Variants in C16orf95 observed in about 807,000 individuals in gnomAD.
C16orf95 encodes the protein chromosome 16 open reading frame 95, also known as uncharacterized protein C16orf95.
Under a neutral mutation model 32.1 loss-of-function variants are expected in C16orf95, and 41 were observed. That is an observed-to-expected ratio of 1.28 (90% CI 1.00 to 1.66). The LOEUF is 1.66. C16orf95 is among the 40% of genes most tolerant of loss of function. The pLI is 0.00. For synonymous variants in C16orf95, 147 were observed against 128.9 expected (o/e 1.14, Z -0.95); for missense variants, 399 against 325.9 (o/e 1.22, Z -1.73).
intron 5 of C16orf95, among the ~76,000 whole-genome samples, chr16:87,307,717 CA>C (rs1339193822): frequency 1.3e-5 from 2 of 152,170 alleles, no homozygotes; most frequent in Admixed American, 6.5e-5. Context: ...GAGATCACGT[CA>C]TTGCACTCCA....
rs1911006779 is a variant in C16orf95, at chr16:87,305,943, T to C, written c.515-38A>G. 2.9e-6 allele frequency: 4 copies of C among 1,356,678 alleles called. No homozygotes were observed. Among genetic ancestry groups the C allele is most frequent in the Non-Finnish European group, 3.8e-6 (4 of 1,053,264 alleles). 84.0% of individuals were successfully genotyped at this position (1,356,678 alleles called of 1,614,324 possible). On this transcript the variant is annotated intron_variant, in intron 5 of 6. Coordinates refer to ENST00000567970, the MANE Select transcript of C16orf95 (RefSeq NM_001195124.3). The surrounding 1 kb of genome is among the most constrained non-coding windows in gnomAD (Gnocchi z 4.2). ...AAGGTGGGTTGAGGACAGGGCGTGTTCTCCGGGACTCTGTGAGCCACGAGG... is the reference window on the plus strand; with the variant it reads ...AAGGTGGGTTGAGGACAGGGCGTGTCCTCCGGGACTCTGTGAGCCACGAGG...
intron 3 of C16orf95, among the ~76,000 whole-genome samples, chr16:87,313,254 C>T (rs944244442): frequency 6.7e-6 from 1 of 149,750 alleles, no homozygotes; most frequent in South Asian, 2.1e-4. Flanking sequence ...AAAATGAACA[C>T]TACTTGATTT....
At position 87,305,510 on chromosome 16, in the gene C16orf95, C is replaced by G. The variant is rs1910976968; in HGVS notation, c.701+209G>C. Among the ~76,000 whole-genome samples the G allele has an allele frequency of 6.6e-6, 1 of 152,108 alleles. No homozygotes were observed. Among genetic ancestry groups the G allele is most frequent in the Non-Finnish European group, 1.5e-5 (1 of 67,992 alleles). ...TGCCCCACGAGGCCCCCGCCGCCCC[C>G]AGGCTGCCCTGGCATCTCTAGGTGA... On this transcript the variant is annotated intron_variant, in intron 6 of 6. Coordinates refer to ENST00000567970, the MANE Select transcript of C16orf95 (RefSeq NM_001195124.3). This position sits in a 1 kb window ranked among gnomAD's most constrained non-coding sequence, Gnocchi z 4.2.
At chr16:87,310,487 T>C (rs1395793015) in intron 4 of C16orf95, among the ~76,000 whole-genome samples, 154 bp from the exon 5 acceptor site, 2 of 152,128 alleles carry the variant, frequency 1.3e-5, no homozygotes, top group East Asian at 3.9e-4. Flanking sequence ...CTCTTTTCTC[T>C]GAGGACAGCC....
rs1037708943 is a variant in C16orf95 at position 87,302,999 on chromosome 16, G to C, written c.*58C>G. ...GCCTCCTGATTGGTGGACTCTCAAA[G>C]ATCTTGATCGTGACACATTTTTGTG... On this transcript the variant is annotated 3_prime_UTR_variant, in exon 7 of 7. Transcript: ENST00000567970. 4.6e-6 allele frequency: 7 copies of C among 1,522,506 alleles called. No individual in the cohort carries two copies. Among genetic ancestry groups the C allele is most frequent in the Non-Finnish European group, 6.2e-6 (7 of 1,134,562 alleles). The allele number at this position is 1,522,506 out of a possible 1,614,324, so 94.3% of individuals were successfully genotyped here.
At chr16:87,314,936 C>A (rs1279158036) in intron 3 of C16orf95, 35 bp downstream of exon 3, 4 of 1,530,812 alleles carry the variant, frequency 2.6e-6, no homozygotes, top group African/African-American at 1.4e-5. Flanking sequence ...TCACCCTGGA[C>A]CCTAGGGGAA....
At position 87,305,768 on chromosome 16, in the gene C16orf95, C is replaced by T. The variant is rs1391481780; in HGVS notation, c.652G>A (p.Gly218Ser). The T allele has an allele frequency of 3.3e-6, 5 of 1,518,256 alleles. No homozygotes were observed. The highest frequency in any genetic ancestry group is 2.6e-5 in the East Asian group (1 of 38,192). 94.0% of individuals were successfully genotyped at this position (1,518,256 alleles called of 1,614,324 possible). ...PAPAARLLPL[G>S]LLTLLQAIPR... Reference sequence around the variant, plus strand: ...ATGGCCTGGAGGAGGGTCAGGAGGCCGAGGGGCAGCAGACGCGCTGCAGGA... The same window carrying T: ...ATGGCCTGGAGGAGGGTCAGGAGGCTGAGGGGCAGCAGACGCGCTGCAGGA... Residue 218 changes from glycine (G) to serine (S), a missense_variant, in exon 6 of 7, where the codon GGC becomes AGC. By Grantham distance (56) the Gly-to-Ser change is moderately conservative. Coordinates refer to ENST00000567970, the MANE Select transcript of C16orf95 (RefSeq NM_001195124.3). This position sits in a 1 kb window ranked among gnomAD's most constrained non-coding sequence, Gnocchi z 4.2.
chr16:87,310,208 T>G, intron 5 of C16orf95, 89 bp downstream of exon 5: 14 of 1,302,366 alleles, frequency 1.1e-5, no homozygotes, highest in African/African-American at 2.9e-5. Context: ...TGTCTGGTGA[T>G]GAGAGGTCTG....
At position 87,305,872 on chromosome 16, in the gene C16orf95, C is replaced by G; in HGVS notation, c.548G>C (p.Cys183Ser). 6.9e-7 allele frequency: 1 copy of G among 1,442,998 alleles called. No individual in the cohort carries two copies. Among genetic ancestry groups the G allele is most frequent in the Non-Finnish European group, 9.1e-7 (1 of 1,101,706 alleles). The allele number at this position is 1,442,998 out of a possible 1,614,324, so 89.4% of individuals were successfully genotyped here. ...PLLDACCWHN[C>S]WRICGDECLL... ...GCACTCATCACCGCAGATCCGCCAG[C>G]AGTTGTGCCAGCAGCATGCATCCAG... The change falls in exon 6 of 7, where the codon TGC (cysteine) becomes TCC (serine). Residue 183 changes from cysteine (C) to serine (S), a missense_variant. By Grantham distance (112) the Cys-to-Ser change is moderately radical (BLOSUM62 -1). Transcript: ENST00000567970. This position sits in a 1 kb window ranked among gnomAD's most constrained non-coding sequence, Gnocchi z 4.2.
chr16:87,308,136 C>T (rs2150649115), intron 5 of C16orf95, among the ~76,000 whole-genome samples: 1 of 152,218 alleles, frequency 6.6e-6, no homozygotes, highest in African/African-American at 2.4e-5. Context: ...TGGAGCTTTC[C>T]AGAGTGTTTT....
intron 5 of C16orf95, among the ~76,000 whole-genome samples, chr16:87,306,407 G>A (rs74038420): frequency 0.15 from 23,016 of 152,068 alleles, 1,870 homozygotes; most frequent in South Asian, 0.31. Context: ...CTTTCTACAC[G>A]GGGTCTGGTC....
chr16:87,307,538 C>A (rs560385774), intron 5 of C16orf95, among the ~76,000 whole-genome samples: 2 of 152,190 alleles, frequency 1.3e-5, no homozygotes, highest in Admixed American at 1.3e-4. Context: ...GCAGGTGGAT[C>A]ACCTGAGGTC....
intron 6 of C16orf95, 87 bp from the exon 7 acceptor site, chr16:87,303,162 G>T: frequency 7.3e-7 from 1 of 1,378,084 alleles, no homozygotes; most frequent in South Asian, 1.2e-5. Flanking sequence ...AAACCTCCAT[G>T]AGCGGAAGGC....
chr16:87,303,479 G>A, intron 6 of C16orf95: 1 of 184,132 alleles, frequency 5.4e-6, no homozygotes, highest in Non-Finnish European at 1.2e-5. Flanking sequence ...CGGCAGACGG[G>A]CCGCCGAGGC....
Position 87,317,200 on chromosome 16 carries a change from G to T in C16orf95, c.43C>A (p.His15Asn). Reference sequence around the variant, plus strand: ...GCTGCTCCAGTGGCCTCATGATGATGGTGACAACGCCGCGGGGACGGTGGG... The same window carrying T: ...GCTGCTCCAGTGGCCTCATGATGATTGTGACAACGCCGCGGGGACGGTGGG... ...RSPPSPRRCH[H>N]HHEATGAASG... The change falls in exon 1 of 7, where the codon CAT (histidine) becomes AAT (asparagine). Residue 15 changes from histidine (H) to asparagine (N), a missense_variant. Coordinates refer to ENST00000567970, the MANE Select transcript of C16orf95 (RefSeq NM_001195124.3). 1.3e-6 allele frequency: 2 copies of T among 1,530,194 alleles called. No individual in the cohort carries two copies. Among genetic ancestry groups the T allele is most frequent in the Non-Finnish European group, 1.7e-6 (2 of 1,144,418 alleles). 94.8% of individuals were successfully genotyped at this position (1,530,194 alleles called of 1,614,324 possible).
At chr16:87,309,372 CTTTTTTTTTTTTTTT>C (rs10551847) in intron 5 of C16orf95, among the ~76,000 whole-genome samples, 6 of 86,074 alleles carry the variant, frequency 7.0e-5, no homozygotes, top group African/African-American at 3.0e-4. Flanking sequence ...TCTTTCTTTT[CTTTTTTTTTTTTTTT>C]TTTTTTTTTT....
Position 87,317,158 on chromosome 16 carries a change from C to T in C16orf95, c.85G>A (p.Gly29Arg). The T allele has an allele frequency of 2.0e-6, 3 of 1,533,462 alleles. No individual in the cohort carries two copies. The highest frequency in any genetic ancestry group is 1.2e-5 in the South Asian group (1 of 83,534). The allele number at this position is 1,533,462 out of a possible 1,614,324, so 95.0% of individuals were successfully genotyped here. A position where few individuals can be genotyped will look rare whatever the true frequency, so the allele number is the denominator to read the frequency against. ...ATGAASGAAA[G>R]GPGAGCVGLC... ...CCGACGCACCCCGCGCCCGGCCCCC[C>T]GGCAGCAGCGCCTGAGGCTGCTCCA... Residue 29 changes from glycine (G) to arginine (R), a missense_variant, in exon 1 of 7, where the codon GGG (glycine) becomes AGG (arginine). By Grantham distance (125) the Gly-to-Arg change is moderately radical. Coordinates refer to ENST00000567970, the MANE Select transcript of C16orf95 (RefSeq NM_001195124.3).
At chr16:87,308,864 G>C (rs1360920929) in intron 5 of C16orf95, among the ~76,000 whole-genome samples, 1 of 152,206 alleles carries the variant, frequency 6.6e-6, no homozygotes, top group Admixed American at 6.5e-5. Context: ...CTTTGATTTT[G>C]CAGTCAGAAT....
intron 6 of C16orf95, among the ~76,000 whole-genome samples, chr16:87,304,254 C>A (rs1182960329): frequency 8.8e-6 from 1 of 114,204 alleles, no homozygotes; most frequent in Non-Finnish European, 2.0e-5. Flanking sequence ...AAGTGATCCT[C>A]CCACCTTGGC....
Sources: gnomAD v4.1 joint callset for allele counts (sites outside exome capture counted in the v4.1 genomes callset) on GRCh38, gnomAD v4.1.1 for gene constraint, Gnocchi (gnomAD v3.1) non-coding constraint, MANE v1.5 for transcripts, NCBI Gene and HGNC (gene_info 2026-07-23, HGNC 2026-07-21) for gene names.